The following PREX2 variants were observed in gnomAD, a reference collection of about 807,000 sequenced individuals.
PREX2 encodes the protein phosphatidylinositol-3,4,5-trisphosphate dependent Rac exchange factor 2.
Under a neutral mutation model 203.2 loss-of-function variants are expected in PREX2, and 107 were observed. The ratio of observed to expected loss-of-function variants is 0.53; its 90% CI spans 0.45 to 0.62. The LOEUF (loss-of-function observed/expected upper bound fraction) is 0.62, where lower values mean the gene tolerates loss of function less well. Among genes scored for constraint, PREX2 ranks in the 20% least tolerant of loss-of-function variants. PREX2 has a pLI of 0.00. For synonymous variants in PREX2, 672 were observed against 663.6 expected (o/e 1.01, Z -0.19); for missense variants, 1,777 against 1,955.9 (o/e 0.91, Z 1.72).
chr8:68,152,870 G>A (rs1266616494), intron 34 of PREX2, among the ~76,000 whole-genome samples: 1 of 152,162 alleles, frequency 6.6e-6, no homozygotes, highest in East Asian at 1.9e-4. Flanking sequence ...GATCTCCACA[G>A]GAGTGTGTCC....
chr8:68,151,779 C>T (rs1389839792), intron 34 of PREX2, among the ~76,000 whole-genome samples: 1 of 148,234 alleles, frequency 6.7e-6, no homozygotes, highest in Admixed American at 6.7e-5. Context: ...TTTTAACCTC[C>T]TATGAAAAAA....
intron 37 of PREX2, among the ~76,000 whole-genome samples, chr8:68,206,120 TAG>T (rs1812619701): frequency 6.6e-6 from 1 of 152,204 alleles, no homozygotes; most frequent in Non-Finnish European, 1.5e-5. Context: ...GAAAGAGTCC[TAG>T]ATTTTGAGTC....
chr8:68,164,387 C>T (rs1029766131), intron 35 of PREX2, among the ~76,000 whole-genome samples: 2 of 151,358 alleles, frequency 1.3e-5, no homozygotes, highest in African/African-American at 2.4e-5. Context: ...CATATATATA[C>T]ACACACACTA....
At chr8:68,022,011 A>G (rs1807582754) in intron 3 of PREX2, 25 bp from the exon 4 acceptor site, 1 of 1,070,136 alleles carries the variant, frequency 9.3e-7, no homozygotes. Context: ...TAAAATGACT[A>G]ATTTATTCTT....
chr8:68,196,643 C>T (rs1050869806), intron 37 of PREX2, among the ~76,000 whole-genome samples: 1 of 151,540 alleles, frequency 6.6e-6, no homozygotes, highest in Non-Finnish European at 1.5e-5. Context: ...GTGATTGGAT[C>T]GTGGGGGTGG....
intron 37 of PREX2, chr8:68,192,728 G>A (rs971487331): frequency 2.1e-5 from 9 of 421,666 alleles, no homozygotes; most frequent in South Asian, 7.1e-5. Flanking sequence ...GCAATCCCAC[G>A]TTTATATCAT....
chr8:67,974,983 C>T (rs954920066), intron 1 of PREX2, among the ~76,000 whole-genome samples: 4 of 152,316 alleles, frequency 2.6e-5, no homozygotes, highest in South Asian at 2.1e-4. Flanking sequence ...TCCATCCTTG[C>T]TGTGTGTTCC....
chr8:68,177,572 A>G (rs1812005254), intron 35 of PREX2, among the ~76,000 whole-genome samples: 1 of 152,230 alleles, frequency 6.6e-6, no homozygotes, highest in Non-Finnish European at 1.5e-5. Context: ...CTCTTAAAGA[A>G]GTTGTAAATG....
chr8:68,184,379 A>G (rs1407667149), intron 35 of PREX2, among the ~76,000 whole-genome samples: 1 of 152,214 alleles, frequency 6.6e-6, no homozygotes, highest in African/African-American at 2.4e-5. Context: ...CATTATAATG[A>G]CATATCTAAT....
intron 20 of PREX2, among the ~76,000 whole-genome samples, chr8:68,093,116 C>G (rs576418850): frequency 1.3e-5 from 2 of 152,054 alleles, no homozygotes; most frequent in Admixed American, 1.3e-4. Context: ...TTAGGCCAGG[C>G]GCAGTAGCTC....
chr8:68,230,531 A>G lies in PREX2; in HGVS notation c.4776-802A>G, dbSNP rs543381167. 5.3e-5 allele frequency among the ~76,000 whole-genome samples: 8 copies of G among 152,190 alleles called. No individual in the cohort carries two copies. In the South Asian group the frequency reaches 1.4e-3, roughly 28 times the overall value. Reference sequence around the variant, plus strand: ...GGCCTTGAGATCACTAGGGCTATCAAGCAGCTATTATGTTCCCTTTTACTT... The same window carrying G: ...GGCCTTGAGATCACTAGGGCTATCAGGCAGCTATTATGTTCCCTTTTACTT... On this transcript the variant is annotated intron_variant, in intron 39 of 39. Coordinates refer to ENST00000288368, the MANE Select transcript of PREX2 (RefSeq NM_024870.4).
At chr8:68,127,882 G>A (rs1225746497) in intron 31 of PREX2, among the ~76,000 whole-genome samples, 2 of 152,050 alleles carry the variant, frequency 1.3e-5, no homozygotes, top group African/African-American at 4.8e-5. Flanking sequence ...TTAAATATTT[G>A]ATGAGATTCT....
intron 1 of PREX2, among the ~76,000 whole-genome samples, chr8:67,971,083 G>GT (rs1805913771): frequency 6.6e-6 from 1 of 152,110 alleles, no homozygotes; most frequent in Admixed American, 6.5e-5. Flanking sequence ...TGGTATAGGG[G>GT]GTGATAAAGG....
chr8:68,104,331 C>T (rs991869045), intron 23 of PREX2, among the ~76,000 whole-genome samples: 5 of 152,156 alleles, frequency 3.3e-5, no homozygotes, highest in African/African-American at 7.2e-5. Context: ...AGGATCTGTG[C>T]CCTCCCTGCC....
At chr8:67,972,122 C>T (rs988543269) in intron 1 of PREX2, among the ~76,000 whole-genome samples, 6 of 152,286 alleles carry the variant, frequency 3.9e-5, no homozygotes, top group South Asian at 4.1e-4. Flanking sequence ...TTCATATTTT[C>T]CCTTATGTCT....
At chr8:68,085,741 T>C (rs1015733791) in intron 18 of PREX2, among the ~76,000 whole-genome samples, 1 of 152,204 alleles carries the variant, frequency 6.6e-6, no homozygotes, top group African/African-American at 2.4e-5. Flanking sequence ...CCAAAATGCA[T>C]GTCATGGTGT....
At chr8:68,220,877 T>C (rs1305164749) in intron 38 of PREX2, among the ~76,000 whole-genome samples, 1 of 152,164 alleles carries the variant, frequency 6.6e-6, no homozygotes, top group East Asian at 1.9e-4. Flanking sequence ...TTTTGTTTTG[T>C]TTTAGATTTA....
intron 35 of PREX2, among the ~76,000 whole-genome samples, chr8:68,186,092 T>A (rs1812183503): frequency 8.1e-6 from 1 of 122,898 alleles, no homozygotes; most frequent in African/African-American, 3.3e-5. Context: ...ATACTGAAGT[T>A]CTTCAGATAC....
At chr8:68,055,731 A>G (rs543521681) in intron 9 of PREX2, 99 bp from the exon 10 acceptor site, 3 of 1,123,970 alleles carry the variant, frequency 2.7e-6, no homozygotes, top group African/African-American at 3.2e-5. Context: ...CCCCCAGCAC[A>G]TGGTAGACCT....
Sources: gnomAD v4.1 joint callset for allele counts (sites outside exome capture counted in the v4.1 genomes callset) on GRCh38, gnomAD v4.1.1 for gene constraint, MANE v1.5 for transcripts, NCBI Gene and HGNC (gene_info 2026-07-23, HGNC 2026-07-21) for gene names.